MRM1: variants seen among roughly 807,000 people sequenced by gnomAD.
MRM1 encodes the protein mitochondrial rRNA methyltransferase 1.
MRM1 carries 24 observed loss-of-function variants against 25.0 expected under a neutral mutation model. That is an observed-to-expected ratio of 0.96 (90% CI 0.69 to 1.35). The LOEUF (loss-of-function observed/expected upper bound fraction) is 1.35, where lower values mean the gene tolerates loss of function less well. Ranked by LOEUF, MRM1 falls within the 40% of genes most tolerant of loss-of-function variation. MRM1 has a pLI of 0.00. For synonymous variants in MRM1, 188 were observed against 199.2 expected (o/e 0.94, Z 0.47); for missense variants, 431 against 464.1 (o/e 0.93, Z 0.65).
At chr17:36,627,674 G>GTTTTCTTTT in the MRM1 span, among the ~76,000 whole-genome samples, 4 of 83,714 alleles carry the variant, frequency 4.8e-5, no homozygotes, top group African/African-American at 5.0e-5. Flanking sequence ...TTTGGACACT[G>GTTTTCTTTT]TTTTTTTTTT....
At chr17:36,618,191 G>C in the MRM1 span, among the ~76,000 whole-genome samples, 1 of 152,086 alleles carries the variant, frequency 6.6e-6, no homozygotes, top group African/African-American at 2.4e-5. Context: ...AGTCCTTAAG[G>C]GGGCAGACAC....
intron 2 of MRM1, among the ~76,000 whole-genome samples, chr17:36,603,743 A>G (rs527686085): frequency 8.4e-4 from 128 of 152,236 alleles, no homozygotes; most frequent in Non-Finnish European, 1.6e-3. Flanking sequence ...CCTTTAAAAA[A>G]TGTTTTACAT....
chr17:36,612,925 T>C (rs1454684917), downstream of MRM1, among the ~76,000 whole-genome samples: 1 of 152,136 alleles, frequency 6.6e-6, no homozygotes, highest in Admixed American at 6.5e-5. Flanking sequence ...TGGCCTCCGT[T>C]TTCCTGTAGG....
chr17:36,604,764 C>A (rs908095463), intron 2 of MRM1, among the ~76,000 whole-genome samples: 2 of 150,092 alleles, frequency 1.3e-5, no homozygotes. Context: ...CGAGATTGTG[C>A]CACTGCACTC....
the MRM1 span, among the ~76,000 whole-genome samples, chr17:36,632,409 GTGT>G: frequency 2.4e-3 from 367 of 152,050 alleles, 1 homozygote; most frequent in African/African-American, 8.7e-3. Context: ...AAGAGAGTGG[GTGT>G]TGGACTTGGC....
At chr17:36,628,369 G>C in the MRM1 span, among the ~76,000 whole-genome samples, 1 of 152,190 alleles carries the variant, frequency 6.6e-6, no homozygotes, top group African/African-American at 2.4e-5. Flanking sequence ...ACTGTGCCTG[G>C]GAACATTCAG....
the MRM1 span, among the ~76,000 whole-genome samples, chr17:36,630,083 C>T: frequency 6.6e-6 from 1 of 152,218 alleles, no homozygotes; most frequent in African/African-American, 2.4e-5. Flanking sequence ...GCTTCCTAAT[C>T]GTTTCTGCTT....
In MRM1 at chr17:36,608,487, C is replaced by G; in HGVS notation, c.*72C>G. ...ACCTGCCTCCGCCGGCTCCAGTGTG[C>G]GGGGAGCCTCTGCCTGAGTGTGCAC... is the stretch of plus-strand genomic sequence containing the variant. On this transcript the variant is annotated 3_prime_UTR_variant, in exon 5 of 5. Transcript: ENST00000614766. 3.6e-6 allele frequency: 4 copies of G among 1,118,380 alleles called. No homozygotes were observed. Among genetic ancestry groups the G allele is most frequent in the Non-Finnish European group, 3.6e-6 (3 of 842,566 alleles). 69.3% of individuals were successfully genotyped at this position (1,118,380 alleles called of 1,614,324 possible). A position where few individuals can be genotyped will look rare whatever the true frequency, so the allele number is the denominator to read the frequency against.
At chr17:36,631,098 A>G in the MRM1 span, among the ~76,000 whole-genome samples, 1 of 152,182 alleles carries the variant, frequency 6.6e-6, no homozygotes, top group African/African-American at 2.4e-5. Flanking sequence ...GGTGCTTAGC[A>G]CCCAGCTCCT....
the MRM1 span, among the ~76,000 whole-genome samples, chr17:36,616,779 G>A: frequency 6.6e-6 from 1 of 152,188 alleles, no homozygotes; most frequent in African/African-American, 2.4e-5. Flanking sequence ...TGCCCAGGCT[G>A]GAGTGCAGTG....
chr17:36,616,683 A>G, the MRM1 span, among the ~76,000 whole-genome samples: 1 of 152,188 alleles, frequency 6.6e-6, no homozygotes, highest in African/African-American at 2.4e-5. Flanking sequence ...TGCACTTACC[A>G]TGGGCTTACA....
the MRM1 span, among the ~76,000 whole-genome samples, chr17:36,614,979 C>T: frequency 6.6e-6 from 1 of 152,184 alleles, no homozygotes; most frequent in Non-Finnish European, 1.5e-5. Context: ...CTCTGCCTCC[C>T]AGTTAATTGG....
the MRM1 span, among the ~76,000 whole-genome samples, chr17:36,628,202 G>T: frequency 2.0e-5 from 3 of 152,146 alleles, no homozygotes; most frequent in South Asian, 2.1e-4. Context: ...TGCTCAGGCT[G>T]GTCTCAAACT....
chr17:36,601,659 G>C lies in MRM1; in HGVS notation c.-152G>C, dbSNP rs1567844736. On this transcript the variant is annotated 5_prime_UTR_variant, in exon 1 of 5. Transcript: ENST00000614766. ...CTCGGTAGTCCAGTTGTGGGTAATC[G>C]GGGCTGTTTGTTCCTGTCCGAGAGA... The C allele has an allele frequency of 6.4e-6, 5 of 779,534 alleles. No individual in the cohort carries two copies. The highest frequency in any genetic ancestry group is 2.9e-5 in the East Asian group (1 of 34,960). The allele number at this position is 779,534 out of a possible 1,614,324, so 48.3% of individuals were successfully genotyped here. A position where few individuals can be genotyped will look rare whatever the true frequency, so the allele number is the denominator to read the frequency against.
At chr17:36,627,799 G>A in the MRM1 span, among the ~76,000 whole-genome samples, 454 of 146,686 alleles carry the variant, frequency 3.1e-3, 3 homozygotes, top group African/African-American at 0.011. Flanking sequence ...TCAGCCTCCC[G>A]AGTAGCTGGG....
At chr17:36,631,196 C>T in the MRM1 span, among the ~76,000 whole-genome samples, 7 of 152,348 alleles carry the variant, frequency 4.6e-5, no homozygotes, top group African/African-American at 9.6e-5. Flanking sequence ...AGATTGCTCA[C>T]CCTCTTTGAA....
chr17:36,627,674 GTTTT>G, the MRM1 span, among the ~76,000 whole-genome samples: 1 of 83,728 alleles, frequency 1.2e-5, no homozygotes, highest in Non-Finnish European at 2.2e-5. Context: ...TTTGGACACT[GTTTT>G]TTTTTTTTTT....
At chr17:36,606,700 C>T (rs182456455) in intron 2 of MRM1, among the ~76,000 whole-genome samples, 289 of 151,808 alleles carry the variant, frequency 1.9e-3, no homozygotes, top group African/African-American at 6.7e-3. Flanking sequence ...CTCCGCCTCC[C>T]GGGTTCAAGC....
chr17:36,622,146 G>A, the MRM1 span, among the ~76,000 whole-genome samples: 1 of 152,242 alleles, frequency 6.6e-6, no homozygotes, highest in Admixed American at 6.5e-5. Context: ...TCCACCAGGG[G>A]CCAGAGGCTG....
Sources: gnomAD v4.1 joint callset for allele counts (sites outside exome capture counted in the v4.1 genomes callset) on GRCh38, gnomAD v4.1.1 for gene constraint, MANE v1.5 for transcripts, NCBI Gene and HGNC (gene_info 2026-07-23, HGNC 2026-07-21) for gene names.